Variants in ATP9A observed in about 807,000 individuals in gnomAD.
The protein encoded by ATP9A is probable phospholipid-transporting ATPase IIA.
In ATP9A, 52 loss-of-function variants were observed where a neutral mutation model predicts 144.1. That is an observed-to-expected ratio of 0.36 (90% confidence interval 0.29 to 0.45). The LOEUF (loss-of-function observed/expected upper bound fraction) is 0.45. ATP9A is among the 20% of genes least tolerant of loss of function. ATP9A has a pLI of 1.00. For synonymous variants in ATP9A, 582 were observed against 557.4 expected, an observed-to-expected ratio of 1.04 and a Z score of -0.62; for missense variants, 947 against 1,392.7, an observed-to-expected ratio of 0.68 and a Z score of 5.09.
chr20:51,718,549 C>T (rs1029012919), intron 3 of ATP9A, among the ~76,000 whole-genome samples: 3 of 151,314 alleles, frequency 2.0e-5, no homozygotes, highest in African/African-American at 4.9e-5. Context: ...TTGAGTCGAG[C>T]GCTCACACCT....
intron 9 of ATP9A, 109 bp downstream of exon 9, chr20:51,688,955 C>G (rs1419951530): frequency 9.2e-6 from 11 of 1,190,966 alleles, no homozygotes; most frequent in Admixed American, 3.5e-5. Context: ...GTGGAAAATG[C>G]CATTTGACCG....
chr20:51,632,531 G>A (rs182363248), intron 15 of ATP9A, among the ~76,000 whole-genome samples: 6 of 152,136 alleles, frequency 3.9e-5, no homozygotes, highest in Non-Finnish European at 8.8e-5. Flanking sequence ...GATGCTGAGC[G>A]GCATCCCTGC....
At chr20:51,606,001 G>A (rs1180344549) in intron 26 of ATP9A, among the ~76,000 whole-genome samples, 1 of 152,096 alleles carries the variant, frequency 6.6e-6, no homozygotes, top group Non-Finnish European at 1.5e-5. Context: ...CAGTCGCGGT[G>A]GCTTACGCCT....
At chr20:51,694,447 A>T (rs562121594) in intron 6 of ATP9A, among the ~76,000 whole-genome samples, 1 of 152,190 alleles carries the variant, frequency 6.6e-6, no homozygotes, top group South Asian at 2.1e-4. Flanking sequence ...GTTGACCAGC[A>T]TTCCGAGCCG....
intron 16 of ATP9A, among the ~76,000 whole-genome samples, chr20:51,628,564 T>C (rs2077258892): frequency 6.6e-6 from 1 of 152,204 alleles, no homozygotes; most frequent in Non-Finnish European, 1.5e-5. Context: ...AGTGGCCCTA[T>C]GGGAGAGGCC....
chr20:51,735,558 G>A (rs777825977), intron 1 of ATP9A, among the ~76,000 whole-genome samples: 6 of 152,094 alleles, frequency 3.9e-5, no homozygotes, highest in Non-Finnish European at 8.8e-5. Flanking sequence ...AGGTCCTCTG[G>A]GACCAAACAT....
intron 17 of ATP9A, among the ~76,000 whole-genome samples, chr20:51,627,159 A>G (rs927286319): frequency 2.2e-5 from 3 of 134,722 alleles, no homozygotes; most frequent in Non-Finnish European, 3.3e-5. Context: ...AAGGAGATGG[A>G]TAAGATGAAT....
At chr20:51,662,665 T>A (rs2077415674) in intron 13 of ATP9A, among the ~76,000 whole-genome samples, 1 of 152,110 alleles carries the variant, frequency 6.6e-6, no homozygotes, top group South Asian at 2.1e-4. Flanking sequence ...CTGGACTGTG[T>A]TATGAAACCA....
In ATP9A at chr20:51,671,396, G is replaced by A. The variant is rs1416839515; in HGVS notation, c.1038-139C>T. The A allele has an allele frequency of 1.2e-5, 11 of 932,530 alleles. No individual in the cohort carries two copies. In the Admixed American group the frequency reaches 2.1e-4, roughly 18 times the overall value. 57.8% of individuals were successfully genotyped at this position (932,530 alleles called of 1,614,324 possible). On this transcript the variant is annotated intron_variant, in intron 11 of 27. Transcript: ENST00000338821. ...CAGAAGCACACTGCCAGAGCTGAAC[G>A]CACAGACTCAGCAAGAGCCAGCACC... is the stretch of plus-strand genomic sequence containing the variant.
chr20:51,602,170 G>C (rs111964821), intron 27 of ATP9A, among the ~76,000 whole-genome samples: 2 of 152,094 alleles, frequency 1.3e-5, no homozygotes, highest in South Asian at 2.1e-4. Context: ...TGGAAGGTGG[G>C]GGGGGCGGGC....
At chr20:51,754,958 A>AG (rs1402569391) in intron 1 of ATP9A, among the ~76,000 whole-genome samples, 1 of 151,810 alleles carries the variant, frequency 6.6e-6, no homozygotes, top group East Asian at 1.9e-4. Context: ...AAAAAAAAAA[A>AG]AATACAAAAA....
intron 23 of ATP9A, among the ~76,000 whole-genome samples, chr20:51,613,143 C>G (rs1657008791): frequency 6.6e-6 from 1 of 152,164 alleles, no homozygotes; most frequent in Non-Finnish European, 1.5e-5. Context: ...ACTGCATTGT[C>G]AACACTTAGC....
chr20:51,622,558 C>T (rs1264890344), intron 18 of ATP9A, among the ~76,000 whole-genome samples: 1 of 152,224 alleles, frequency 6.6e-6, no homozygotes, highest in Non-Finnish European at 1.5e-5. Context: ...AGGAAACACT[C>T]ATTTTTGACG....
chr20:51,602,749 G>C (rs757663141), intron 27 of ATP9A, among the ~76,000 whole-genome samples: 1 of 152,198 alleles, frequency 6.6e-6, no homozygotes, highest in South Asian at 2.1e-4. Context: ...GGGTAAGGTC[G>C]AGTTTCTCTG....
intron 14 of ATP9A, among the ~76,000 whole-genome samples, chr20:51,649,876 G>A (rs1044786466): frequency 2.1e-5 from 3 of 144,134 alleles, no homozygotes; most frequent in Admixed American, 1.5e-4. Flanking sequence ...TCGTACCACC[G>A]CACTCCAGCC....
At chr20:51,661,793 C>G (rs1047514057) in intron 13 of ATP9A, among the ~76,000 whole-genome samples, 19 of 111,666 alleles carry the variant, frequency 1.7e-4, no homozygotes, top group Non-Finnish European at 3.4e-4. Context: ...GAGACAGGCT[C>G]AGAGCTACTA....
chr20:51,654,387 G>A (rs2077379057), intron 14 of ATP9A, among the ~76,000 whole-genome samples: 1 of 151,866 alleles, frequency 6.6e-6, no homozygotes, highest in Non-Finnish European at 1.5e-5. Context: ...TCCCCCAACC[G>A]CCAGGAACCG....
At chr20:51,641,117 G>A (rs2077316811) in intron 14 of ATP9A, among the ~76,000 whole-genome samples, 1 of 152,066 alleles carries the variant, frequency 6.6e-6, no homozygotes, top group Admixed American at 6.6e-5. Context: ...CCAGAACTTT[G>A]GGAGGCTGAG....
At position 51,639,521 on chromosome 20, in the gene ATP9A, G is replaced by A; in HGVS notation, c.1507-17C>T. ...CAGGGCCACCTAAACATAACACAGG[G>A]TCGAAGGTCAGATGCCCAGCCGAGA... On this transcript the variant is annotated splice_polypyrimidine_tract_variant and intron_variant, in intron 14 of 27. Transcript: ENST00000338821. 6.3e-7 allele frequency: 1 copy of A among 1,592,732 alleles called. No individual in the cohort carries two copies. Among genetic ancestry groups the A allele is most frequent in the Non-Finnish European group, 8.5e-7 (1 of 1,169,876 alleles).
Sources: gnomAD v4.1 joint callset for allele counts (sites outside exome capture counted in the v4.1 genomes callset) on GRCh38, gnomAD v4.1.1 for gene constraint, MANE v1.5 for transcripts, NCBI Gene and HGNC (gene_info 2026-07-23, HGNC 2026-07-21) for gene names.